Variants in ARHGAP35 observed in about 807,000 individuals in gnomAD.
ARHGAP35 encodes the protein rho GTPase-activating protein 35.
A neutral mutation model predicts 111.1 loss-of-function variants in ARHGAP35; 15 were observed. That is an observed-to-expected ratio of 0.13 (90% CI 0.09 to 0.21). The LOEUF is 0.21. Ranked by LOEUF, ARHGAP35 falls within the 10% of genes least tolerant of loss-of-function variation. The pLI is 1.00. For synonymous variants in ARHGAP35, 643 were observed against 710.3 expected, an observed-to-expected ratio of 0.91 and a Z score of 1.51; for missense variants, 1,262 against 1,873.0, an observed-to-expected ratio of 0.67 and a Z score of 6.02.
At chr19:46,897,060 ATT>A (rs61692635) in intron 1 of ARHGAP35, among the ~76,000 whole-genome samples, 141 of 133,578 alleles carry the variant, frequency 1.1e-3, no homozygotes, top group African/African-American at 2.8e-3. Context: ...CACCTGGCTA[ATT>A]TTTTTTTTTT....
At chr19:46,904,129 C>T (rs1270216401) in intron 1 of ARHGAP35, among the ~76,000 whole-genome samples, 5 of 151,996 alleles carry the variant, frequency 3.3e-5, no homozygotes, top group Non-Finnish European at 7.4e-5. Flanking sequence ...AGAGACAGCA[C>T]TGGGATGGGG....
rs902700067 is a variant in ARHGAP35, at chr19:46,999,205, C to T, written c.4037-99C>T. On this transcript the variant is annotated intron_variant, in intron 5 of 6. Transcript: ENST00000672722. This position sits in a 1 kb window ranked among gnomAD's most constrained non-coding sequence, Gnocchi z 5.4. Reference sequence around the variant, plus strand: ...AGTGGGGTTAGTGTCATCCAAAAGCCCTGGGCTGTCCTCAGAGAAGGCCCA... The same window carrying T: ...AGTGGGGTTAGTGTCATCCAAAAGCTCTGGGCTGTCCTCAGAGAAGGCCCA... 2.2e-5 allele frequency: 17 copies of T among 769,744 alleles called. No homozygotes were observed. The highest frequency in any genetic ancestry group is 3.3e-5 in the Non-Finnish European group (15 of 458,842). The allele number at this position is 769,744 out of a possible 1,614,324, so 47.7% of individuals were successfully genotyped here.
chr19:46,989,718 G>C lies in ARHGAP35; in HGVS notation c.4036+43G>C. 4 of 1,611,430 alleles carry C rather than the reference G, an allele frequency of 2.5e-6. No homozygotes were observed. The highest frequency in any genetic ancestry group is 3.4e-6 in the Non-Finnish European group (4 of 1,178,868). On this transcript the variant is annotated intron_variant, in intron 5 of 6. Coordinates refer to ENST00000672722, the MANE Select transcript of ARHGAP35 (RefSeq NM_004491.5). This position sits in a 1 kb window ranked among gnomAD's most constrained non-coding sequence, Gnocchi z 5.3. The stretch of plus-strand genomic sequence containing the variant: ...AGTGTTGGGCGGATTGAGGGAGAAA[G>C]GGCTTGGCACTGGAAGAATAGGTCC...
In ARHGAP35 at chr19:46,921,726, G is replaced by A. The variant is rs1315842739; in HGVS notation, c.3051G>A (p.Glu1017=). Residue 1017 remains glutamate, a synonymous_variant, in exon 2 of 7, where the codon GAG becomes GAA. Transcript: ENST00000672722. The surrounding 1 kb of genome is among the most constrained non-coding windows in gnomAD (Gnocchi z 4.3). The part of the protein sequence containing the change: ...KDHSKLSMEL[E]GNDGLSFIMS... Reference sequence around the variant, plus strand: ...ATTCTAAGCTCTCTATGGAACTGGAGGGAAATGATGGGCTGTCTTTCATTA... The same window carrying A: ...ATTCTAAGCTCTCTATGGAACTGGAAGGAAATGATGGGCTGTCTTTCATTA... 8 of 1,613,864 alleles carry A rather than the reference G, an allele frequency of 5.0e-6. No individual in the cohort carries two copies. The South Asian group carries it at 5.5e-5, about 11-fold the overall frequency.
intron 3 of ARHGAP35, among the ~76,000 whole-genome samples, chr19:46,954,304 A>C (rs184976586): frequency 3.9e-4 from 59 of 152,342 alleles, no homozygotes; most frequent in African/African-American, 1.3e-3. Context: ...TGAGAGCCTT[A>C]AGGCAGGGGC....
In ARHGAP35 at chr19:46,926,657, A is replaced by G. The variant is rs745430935; in HGVS notation, c.3681+4301A>G. 2.6e-5 allele frequency among the ~76,000 whole-genome samples: 4 copies of G among 152,194 alleles called. No individual in the cohort carries two copies. Among genetic ancestry groups the G allele is most frequent in the African/African-American group, 7.2e-5 (3 of 41,438 alleles). Reference sequence around the variant, plus strand: ...AAAAAAAAAGACAAAACAGAATGATAAAGAAAATCTTTCACTCACTGCAGC... The same window carrying G: ...AAAAAAAAAGACAAAACAGAATGATGAAGAAAATCTTTCACTCACTGCAGC... On this transcript the variant is annotated intron_variant, in intron 2 of 6. Transcript: ENST00000672722. The surrounding 1 kb of genome is among the most constrained non-coding windows in gnomAD (Gnocchi z 4.1).
intron 3 of ARHGAP35, among the ~76,000 whole-genome samples, chr19:46,960,059 A>G (rs1201349966): frequency 6.7e-6 from 1 of 148,578 alleles, no homozygotes; most frequent in Non-Finnish European, 1.5e-5. Context: ...AGAGTGAGCT[A>G]TGATTGCACC....
chr19:46,918,879 C>T lies in ARHGAP35; in HGVS notation c.204C>T (p.Val68=). 2 of 1,613,882 alleles carry T rather than the reference C, an allele frequency of 1.2e-6. No individual in the cohort carries two copies. The highest frequency in any genetic ancestry group is 1.7e-6 in the Non-Finnish European group (2 of 1,179,874). ...CCAGTGACTTTGGAGGGCGAGTGGTCAATAATGACCACTTTCTCTACTGGG... is the reference window on the plus strand; with the variant it reads ...CCAGTGACTTTGGAGGGCGAGTGGTTAATAATGACCACTTTCTCTACTGGG... ...LSTSDFGGRV[V]NNDHFLYWGE... is the part of the protein sequence containing the mutation. The change falls in exon 2 of 7, where the codon GTC becomes GTT. Residue 68 remains valine (V), a synonymous_variant. Transcript: ENST00000672722. This position sits in a 1 kb window ranked among gnomAD's most constrained non-coding sequence, Gnocchi z 5.4.
At chr19:46,910,615 G>C (rs1014651578) in intron 1 of ARHGAP35, among the ~76,000 whole-genome samples, 20 of 149,324 alleles carry the variant, frequency 1.3e-4, no homozygotes, top group African/African-American at 4.5e-4. Context: ...TTTGAGACAG[G>C]GTTGCACTCT....
Position 47,003,918 on chromosome 19 carries a change from GCACACA to G in ARHGAP35, c.*3257_*3262del, listed in dbSNP as rs35048370. 10 of 104,380 alleles carry G rather than the reference GCACACA, an allele frequency of 9.6e-5. No individual in the cohort carries two copies. The highest frequency in any genetic ancestry group is 2.3e-4 in the African/African-American group (6 of 26,034). The allele number at this position is 104,380 out of a possible 1,614,324, so 6.5% of individuals were successfully genotyped here. On this transcript the variant is annotated 3_prime_UTR_variant, in exon 7 of 7. Coordinates refer to ENST00000672722, the MANE Select transcript of ARHGAP35 (RefSeq NM_004491.5). Reference sequence around the variant, plus strand: ...GCAGGCCACCAGGCATTCTGGACACGCACACACACACACACACACACACACACACAC... The same window carrying G: ...GCAGGCCACCAGGCATTCTGGACACGCACACACACACACACACACACACAC...
chr19:46,998,057 G>A (rs368405220), intron 5 of ARHGAP35, among the ~76,000 whole-genome samples: 17 of 151,784 alleles, frequency 1.1e-4, no homozygotes, highest in African/African-American at 3.9e-4. Flanking sequence ...AGCCGACATC[G>A]CACCACTGCA....
chr19:46,891,393 ACTTTT>A (rs2056022722), intron 1 of ARHGAP35, among the ~76,000 whole-genome samples: 1 of 149,344 alleles, frequency 6.7e-6, no homozygotes, highest in African/African-American at 2.5e-5. Flanking sequence ...ATTTTTGGCC[ACTTTT>A]CTTAGGCTTT....
At position 46,950,645 on chromosome 19, in the gene ARHGAP35, G is replaced by A. The variant is rs148626574; in HGVS notation, c.3826+13237G>A. Reference sequence around the variant, plus strand: ...GCTGAAGGAGTGATTCTGGCAGGGTGAGTGTGGGTTCCCCAAAGCTATCAC... The same window carrying A: ...GCTGAAGGAGTGATTCTGGCAGGGTAAGTGTGGGTTCCCCAAAGCTATCAC... On this transcript the variant is annotated intron_variant, in intron 3 of 6. Transcript: ENST00000672722. 1.2e-3 allele frequency among the ~76,000 whole-genome samples: 183 copies of A among 152,346 alleles called. 1 individual carries two copies. Among genetic ancestry groups the A allele is most frequent in the African/African-American group, 4.2e-3 (175 of 41,578 alleles).
In ARHGAP35 at chr19:46,908,080, T is replaced by C. The variant is rs560084789; in HGVS notation, c.-188-10408T>C. Among the ~76,000 whole-genome samples the C allele has an allele frequency of 1.5e-3, 231 of 152,336 alleles. 1 individual carries two copies. The highest frequency in any genetic ancestry group is 5.3e-3 in the African/African-American group (219 of 41,582). On this transcript the variant is annotated intron_variant, in intron 1 of 6. Transcript: ENST00000672722. This position sits in a 1 kb window ranked among gnomAD's most constrained non-coding sequence, Gnocchi z 4.2. The stretch of plus-strand genomic sequence containing the variant: ...ATGCCTGTTTCTTCAGCACTGTCCT[T>C]TGTTGGCAAGGCACATTTGGCTGGA...
Position 46,988,023 on chromosome 19 carries a change from G to T in ARHGAP35, c.3861G>T (p.Gly1287=). The T allele has an allele frequency of 1.2e-6, 2 of 1,613,886 alleles. No homozygotes were observed. The highest frequency in any genetic ancestry group is 1.7e-6 in the Non-Finnish European group (2 of 1,179,870). Residue 1287 remains glycine, a synonymous_variant, in exon 4 of 7, where the codon GGG becomes GGT. Transcript: ENST00000672722. This position sits in a 1 kb window ranked among gnomAD's most constrained non-coding sequence, Gnocchi z 5.4. ...CGGAAGGCATCTACCGGGTCAGCGG[G>T]AACAAGTCTGAGATGGAGAGTCTGC... ...LSTEGIYRVS[G]NKSEMESLQR...
intron 1 of ARHGAP35, among the ~76,000 whole-genome samples, chr19:46,892,845 A>G (rs1240428135): frequency 6.6e-6 from 1 of 152,040 alleles, no homozygotes; most frequent in Non-Finnish European, 1.5e-5. Flanking sequence ...TTTTTCCTGA[A>G]CACTGTGTTC....
chr19:46,970,692 C>T (rs1456308279), intron 3 of ARHGAP35, among the ~76,000 whole-genome samples: 1 of 152,128 alleles, frequency 6.6e-6, no homozygotes, highest in Non-Finnish European at 1.5e-5. Context: ...GATGATGCAG[C>T]CTTGTTCTCA....
Position 46,999,048 on chromosome 19 carries a change from G to T in ARHGAP35, c.4037-256G>T, listed in dbSNP as rs2056731512. 1 of 505,966 alleles carries T rather than the reference G, an allele frequency of 2.0e-6. No homozygotes were observed. The highest frequency in any genetic ancestry group is 1.9e-5 in the African/African-American group (1 of 52,552). 31.3% of individuals were successfully genotyped at this position (505,966 alleles called of 1,614,324 possible). ...GTCTCCAGATTGTTCTGTCTTGGGT[G>T]GTGGGGGCCAGGAAGCCCCAGGCAC... On this transcript the variant is annotated intron_variant, in intron 5 of 6. Coordinates refer to ENST00000672722, the MANE Select transcript of ARHGAP35 (RefSeq NM_004491.5). This position sits in a 1 kb window ranked among gnomAD's most constrained non-coding sequence, Gnocchi z 5.4.
At chr19:46,944,821 C>T (rs1300805304) in intron 3 of ARHGAP35, among the ~76,000 whole-genome samples, 1 of 152,180 alleles carries the variant, frequency 6.6e-6, no homozygotes, top group Non-Finnish European at 1.5e-5. Flanking sequence ...TGTGTTGAGA[C>T]TCCTCCCCGA....
Sources: gnomAD v4.1 joint callset for allele counts (sites outside exome capture counted in the v4.1 genomes callset) on GRCh38, gnomAD v4.1.1 for gene constraint, Gnocchi (gnomAD v3.1) non-coding constraint, MANE v1.5 for transcripts, NCBI Gene and HGNC (gene_info 2026-07-23, HGNC 2026-07-21) for gene names.